Variants in TBC1D17 observed in about 807,000 individuals in gnomAD.
The protein encoded by TBC1D17 is TBC1 domain family, member 17.
A neutral mutation model predicts 78.8 loss-of-function variants in TBC1D17; 69 were observed. The observed-to-expected ratio is 0.88, with a 90% CI of 0.72 to 1.07. The LOEUF is 1.07. Among genes scored for constraint, TBC1D17 ranks in the 50% least tolerant of loss-of-function variants. The pLI is 0.00. For missense variants in TBC1D17, 957 were observed against 861.0 expected (o/e 1.11, Z -1.39); for synonymous variants, 456 against 358.3 (o/e 1.27, Z -3.08).
At chr19:49,887,888 G>T in intron 15 of TBC1D17, 54 bp downstream of exon 15, 5 of 1,424,126 alleles carry the variant, frequency 3.5e-6, no homozygotes, top group Non-Finnish European at 4.8e-6. Context: ...GCGCTGCCCA[G>T]GGCCGCAGTA....
rs1325256923 is a variant in TBC1D17, at chr19:49,887,760, G to T, written c.1585G>T (p.Val529Leu). 1 of 1,613,550 alleles carries T rather than the reference G, an allele frequency of 6.2e-7. No individual in the cohort carries two copies. Among genetic ancestry groups the T allele is most frequent in the South Asian group, 1.1e-5 (1 of 90,944 alleles). Reference protein sequence around the residue: ...GLPGPNLHLLVACAILDMERD... With the variant: ...GLPGPNLHLLLACAILDMERD... ...CCCTGGCCCCAATCTGCACCTGCTG[G>T]TGGCCTGCGCCATCCTGGACATGGA... is the stretch of plus-strand genomic sequence containing the variant. The change falls in exon 15 of 17, where the codon GTG (valine) becomes TTG (leucine). Residue 529 changes from valine (V) to leucine (L), a missense_variant. By Grantham distance (32) the Val-to-Leu change is conservative (BLOSUM62 1). Transcript: ENST00000221543.
At chr19:49,881,575 T>C (rs1437903828) in intron 5 of TBC1D17, 100 bp downstream of exon 5, 1 of 1,188,790 alleles carries the variant, frequency 8.4e-7, no homozygotes, top group East Asian at 2.5e-5. Context: ...CTCACACTGA[T>C]TTAAAGGCAG....
intron 13 of TBC1D17, chr19:49,887,264 T>C: frequency 1.8e-6 from 1 of 565,008 alleles, no homozygotes; most frequent in Non-Finnish European, 3.2e-6. Context: ...CCATGGCAGA[T>C]GTGGAAGTAT....
chr19:49,883,980 C>T (rs539992275), intron 10 of TBC1D17, among the ~76,000 whole-genome samples: 1 of 152,306 alleles, frequency 6.6e-6, no homozygotes, highest in Non-Finnish European at 1.5e-5. Context: ...TCAGTTCTGT[C>T]AATGCCTGGT....
Position 49,881,338 on chromosome 19 carries a change from C to G in TBC1D17, c.390C>G (p.Arg130=). Residue 130 remains arginine, a synonymous_variant, in exon 5 of 17, where the codon CGC becomes CGG. Coordinates refer to ENST00000221543, the MANE Select transcript of TBC1D17 (RefSeq NM_024682.3). ...SVSLGELKSI[R]RSKPGLSWAY... is the part of the protein sequence containing the mutation. The stretch of plus-strand genomic sequence containing the variant: ...GTCTGGGGGAGCTAAAGTCCATCCG[C>G]CGCTCCAAGCCAGGCCTCAGCTGGG... 6.2e-7 allele frequency: 1 copy of G among 1,613,360 alleles called. No individual in the cohort carries two copies. Among genetic ancestry groups the G allele is most frequent in the Non-Finnish European group, 8.5e-7 (1 of 1,179,996 alleles).
Position 49,882,851 on chromosome 19 carries a change from C to G in TBC1D17, c.886C>G (p.Leu296Val). ...WARHVGPEGR[L>V]QQVPELKNRI... ...ACGCCACGTGGGCCCTGAAGGTCGC[C>G]TGCAGCAGGTCCCTGAGCTGAAGAA... is the stretch of plus-strand genomic sequence containing the variant. Residue 296 changes from leucine (L) to valine (V), a missense_variant, in exon 8 of 17, where the codon CTG becomes GTG. Transcript: ENST00000221543. The G allele has an allele frequency of 2.5e-6, 4 of 1,611,198 alleles. No individual in the cohort carries two copies. Among genetic ancestry groups the G allele is most frequent in the Non-Finnish European group, 3.4e-6 (4 of 1,179,238 alleles).
intron 4 of TBC1D17, among the ~76,000 whole-genome samples, chr19:49,880,937 G>A (rs1420795162): frequency 6.6e-6 from 1 of 152,208 alleles, no homozygotes. Context: ...TGTAGCTCAA[G>A]TGTGGGATTT....
In TBC1D17 at chr19:49,888,406, CTCA is replaced by C. The variant is rs1568679919; in HGVS notation, c.1747-15_1747-13del. 6.9e-7 allele frequency: 1 copy of C among 1,451,622 alleles called. No individual in the cohort carries two copies. Among genetic ancestry groups the C allele is most frequent in the Non-Finnish European group, 9.2e-7 (1 of 1,085,946 alleles). 89.9% of individuals were successfully genotyped at this position (1,451,622 alleles called of 1,614,324 possible). A position where few individuals can be genotyped will look rare whatever the true frequency, so the allele number is the denominator to read the frequency against. Reference sequence around the variant, plus strand: ...CCTTCACCTTCCGCTTTTCGCTTCTCTCATCCCGTGCCTCCAGGAGCTGCCCCA... The same window carrying C: ...CCTTCACCTTCCGCTTTTCGCTTCTCTCCCGTGCCTCCAGGAGCTGCCCCA... On this transcript the variant is annotated splice_polypyrimidine_tract_variant and intron_variant, in intron 16 of 16. Transcript: ENST00000221543.
intron 4 of TBC1D17, among the ~76,000 whole-genome samples, chr19:49,881,047 C>T (rs1460883714): frequency 6.6e-6 from 1 of 152,080 alleles, no homozygotes; most frequent in Non-Finnish European, 1.5e-5. Context: ...CCCTGCAGGT[C>T]GAGGGGTGCC....
At chr19:49,884,638 C>T (rs770941294) in intron 12 of TBC1D17, 21 bp from the exon 13 acceptor site, 2 of 1,613,998 alleles carry the variant, frequency 1.2e-6, no homozygotes, top group East Asian at 2.2e-5. Flanking sequence ...CTGCTCTTTC[C>T]CCCCTCCTTC....
In TBC1D17 at chr19:49,880,315, G is replaced by T. The variant is rs768919296; in HGVS notation, c.232G>T (p.Glu78Ter). 1 of 1,614,082 alleles carries T rather than the reference G, an allele frequency of 6.2e-7. No homozygotes were observed. The highest frequency in any genetic ancestry group is 8.5e-7 in the Non-Finnish European group (1 of 1,179,996). The change falls in exon 4 of 17, where the codon GAA (glutamate) becomes TAA (stop). Residue 78 changes from glutamate to a stop codon, truncating the protein, a stop_gained. Transcript: ENST00000221543. LOFTEE classifies it high-confidence loss of function. Reference protein sequence around the residue: ...SGGDSCASEEEPTFDPGYEPD... With the variant: ...SGGDSCASEE ...GGGTGACTCATGTGCTTCTGAGGAG[G>T]AACCAACCTTTGACCCCGGCTATGA...
chr19:49,881,457 G>A lies in TBC1D17; in HGVS notation c.509G>A (p.Arg170His), dbSNP rs779368014. 60 of 1,609,400 alleles carry A rather than the reference G, an allele frequency of 3.7e-5. No homozygotes were observed. The highest frequency in any genetic ancestry group is 1.4e-5 in the Non-Finnish European group (16 of 1,179,782). Residue 170 changes from arginine (R) to histidine (H), a missense_variant, in exon 5 of 17, where the codon CGC becomes CAC. Coordinates refer to ENST00000221543, the MANE Select transcript of TBC1D17 (RefSeq NM_024682.3). ...CGCGCCCTGCTCCGCGTCCTCAGCC[G>A]CTACCTGCTGTTGGCCAGGTGAGCT... is the stretch of plus-strand genomic sequence containing the variant. ...GTRALLRVLS[R>H]YLLLASSPQD...
intron 1 of TBC1D17, 50 bp downstream of exon 1, chr19:49,877,794 G>A (rs892100150): frequency 3.9e-6 from 6 of 1,556,722 alleles, no homozygotes; most frequent in South Asian, 1.2e-5. Context: ...GAAACGCCCC[G>A]TCTAGTGATC....
Position 49,884,236 on chromosome 19 carries a change from G to A in TBC1D17, c.1127-17G>A. ...CCTACCTTTCTCACCTTTGCACCCT[G>A]TGCCCGGTCCCCGCAGAAAGGGATG... On this transcript the variant is annotated splice_polypyrimidine_tract_variant and intron_variant, in intron 10 of 16. Coordinates refer to ENST00000221543, the MANE Select transcript of TBC1D17 (RefSeq NM_024682.3). 1 of 1,611,908 alleles carries A rather than the reference G, an allele frequency of 6.2e-7. No homozygotes were observed. Among genetic ancestry groups the A allele is most frequent in the Non-Finnish European group, 8.5e-7 (1 of 1,178,492 alleles).
Position 49,888,333 on chromosome 19 carries a change from C to T in TBC1D17, c.1746+16C>T. On this transcript the variant is annotated intron_variant, in intron 16 of 16. Transcript: ENST00000221543. ...CGCCTGCCCCGTGAGTCCCCGTCCG[C>T]CCCGCAGCGCCCCGCCCGAACCCCG... 1.3e-6 allele frequency: 2 copies of T among 1,550,918 alleles called. No homozygotes were observed. Among genetic ancestry groups the T allele is most frequent in the African/African-American group, 1.4e-5 (1 of 73,398 alleles).
Position 49,884,700 on chromosome 19 carries a change from A to G in TBC1D17, c.1386A>G (p.Gln462=), listed in dbSNP as rs768468375. 5 of 1,613,818 alleles carry G rather than the reference A, an allele frequency of 3.1e-6. No individual in the cohort carries two copies. The South Asian group carries it at 5.5e-5, about 18-fold the overall frequency. ...FEESQETMKR[Q]LGRLLLLLRV... ...AGAGCCAGGAGACCATGAAGCGGCA[A>G]CTCGGGCGACTGCTGCTGCTCCTGA... The change falls in exon 13 of 17, where the codon CAA becomes CAG. Residue 462 remains glutamine (Q), a synonymous_variant. Coordinates refer to ENST00000221543, the MANE Select transcript of TBC1D17 (RefSeq NM_024682.3).
intron 7 of TBC1D17, among the ~76,000 whole-genome samples, 174 bp from the exon 8 acceptor site, chr19:49,882,590 A>T (rs888702599): frequency 4.6e-5 from 7 of 151,822 alleles, no homozygotes; most frequent in African/African-American, 1.7e-4. Context: ...TTATTGGGGG[A>T]CCCCTCCTAA....
chr19:49,882,519 C>T, intron 7 of TBC1D17, 119 bp downstream of exon 7: 6 of 1,450,840 alleles, frequency 4.1e-6, no homozygotes, highest in Non-Finnish European at 2.8e-6. Flanking sequence ...GGGACACCCT[C>T]AGGGGGTGCA....
At chr19:49,884,582 G>C (rs2075043718) in intron 12 of TBC1D17, 23 bp downstream of exon 12, 1 of 1,613,894 alleles carries the variant, frequency 6.2e-7, no homozygotes, top group Non-Finnish European at 8.5e-7. Context: ...TCAGGGGTGG[G>C]ACACAGGCCT....
Sources: gnomAD v4.1 joint callset for allele counts (sites outside exome capture counted in the v4.1 genomes callset) on GRCh38, gnomAD v4.1.1 for gene constraint, MANE v1.5 for transcripts, NCBI Gene and HGNC (gene_info 2026-07-23, HGNC 2026-07-21) for gene names.